MEIS1: variants seen among roughly 807,000 people sequenced by gnomAD.
MEIS1 encodes Meis homeobox 1.
Under a neutral mutation model 50.8 loss-of-function variants are expected in MEIS1, and 5 were observed. That is an observed-to-expected ratio of 0.10 (90% CI 0.05 to 0.21). The LOEUF (loss-of-function observed/expected upper bound fraction) is 0.21. Ranked by LOEUF, MEIS1 falls within the 10% of genes least tolerant of loss-of-function variation. MEIS1 has a pLI of 1.00. For missense variants in MEIS1, 318 were observed against 517.3 expected, an observed-to-expected ratio of 0.61 and a Z score of 3.74; for synonymous variants, 176 against 179.3, an observed-to-expected ratio of 0.98 and a Z score of 0.15.
chr2:66,435,974 A>C, intron 1 of MEIS1, 106 bp downstream of exon 1: 2 of 1,018,494 alleles, frequency 2.0e-6, no homozygotes, highest in Non-Finnish European at 2.8e-6. Flanking sequence ...TCTTTTAAAA[A>C]ATGAGGCTCC....
chr2:66,504,353 C>T (rs1050158255), intron 7 of MEIS1, among the ~76,000 whole-genome samples: 3 of 152,122 alleles, frequency 2.0e-5, no homozygotes, highest in East Asian at 3.9e-4. Flanking sequence ...CCTGCCTCAG[C>T]CTCCCGAGTA....
intron 7 of MEIS1, among the ~76,000 whole-genome samples, chr2:66,507,646 C>G (rs1673714789): frequency 6.6e-6 from 1 of 152,144 alleles, no homozygotes; most frequent in South Asian, 2.1e-4. Flanking sequence ...AACAGCAGTC[C>G]TGAGAGGACA....
chr2:66,535,827 C>T (rs1674504493), intron 8 of MEIS1, among the ~76,000 whole-genome samples: 1 of 151,854 alleles, frequency 6.6e-6, no homozygotes, highest in Non-Finnish European at 1.5e-5. Flanking sequence ...AGTTTGATTG[C>T]AAGATAAGAG....
At chr2:66,509,635 A>T (rs942792142) in intron 7 of MEIS1, among the ~76,000 whole-genome samples, 1 of 152,230 alleles carries the variant, frequency 6.6e-6, no homozygotes, top group Non-Finnish European at 1.5e-5. Context: ...CACTTAAAAA[A>T]TTCTGTTCCT....
At chr2:66,542,211 C>G (rs1236820024) in intron 8 of MEIS1, among the ~76,000 whole-genome samples, 1 of 151,964 alleles carries the variant, frequency 6.6e-6, no homozygotes, top group African/African-American at 2.4e-5. Context: ...CACAGTATTC[C>G]CTTAGTGACA....
At chr2:66,522,550 A>C (rs1674150407) in intron 8 of MEIS1, among the ~76,000 whole-genome samples, 1 of 152,218 alleles carries the variant, frequency 6.6e-6, no homozygotes, top group South Asian at 2.1e-4. Flanking sequence ...CTTCTTTCAC[A>C]CAACTGGTGT....
At chr2:66,458,277 A>G (rs916646369) in intron 6 of MEIS1, among the ~76,000 whole-genome samples, 1 of 152,224 alleles carries the variant, frequency 6.6e-6, no homozygotes, top group Non-Finnish European at 1.5e-5. Flanking sequence ...AATATTAGGC[A>G]TCGAATTAAA....
chr2:66,439,934 G>T lies in MEIS1; in HGVS notation c.331G>T (p.Val111Phe). ...CGAGCCGGGGGTGGCGGGCGGGGAC[G>T]TCTGCTCGTCAGAGTCATTCAATGA... ...PREPGVAGGD[V>F]CSSESFNEDI... Residue 111 changes from valine (V) to phenylalanine (F), a missense_variant, in exon 3 of 13, where the codon GTC becomes TTC. Val to Phe is a conservative substitution (Grantham distance 50). Around this residue, in one of 6 missense-constraint regions of MEIS1, gnomAD observed 75 missense variants for 153.7 expected, o/e 0.49. Coordinates refer to ENST00000272369, the MANE Select transcript of MEIS1 (RefSeq NM_002398.3). 1 of 1,613,288 alleles carries T rather than the reference G, an allele frequency of 6.2e-7. No homozygotes were observed. The highest frequency in any genetic ancestry group is 2.2e-5 in the East Asian group (1 of 44,842).
chr2:66,521,688 C>A (rs920592947), intron 8 of MEIS1, among the ~76,000 whole-genome samples: 1 of 152,104 alleles, frequency 6.6e-6, no homozygotes, highest in Admixed American at 6.5e-5. Flanking sequence ...AGAAATTGTA[C>A]CACATTGGCT....
At chr2:66,518,920 G>C (rs1476346459) in intron 8 of MEIS1, among the ~76,000 whole-genome samples, 1 of 152,188 alleles carries the variant, frequency 6.6e-6, no homozygotes, top group Non-Finnish European at 1.5e-5. Flanking sequence ...GGTTTTGCCA[G>C]TAGTAGTAAA....
chr2:66,560,831 C>A (rs575954961), intron 9 of MEIS1, among the ~76,000 whole-genome samples: 1 of 152,228 alleles, frequency 6.6e-6, no homozygotes, highest in Admixed American at 6.5e-5. Flanking sequence ...TCTCCTCCTG[C>A]CGCTGTTCTC....
intron 6 of MEIS1, among the ~76,000 whole-genome samples, chr2:66,456,337 G>A (rs1404880546): frequency 6.6e-6 from 1 of 151,910 alleles, no homozygotes; most frequent in Non-Finnish European, 1.5e-5. Context: ...ATGCTGAAGT[G>A]TACACACTTA....
chr2:66,500,535 C>T lies in MEIS1; in HGVS notation c.743-11614C>T, dbSNP rs368100742. On this transcript the variant is annotated intron_variant, in intron 7 of 12. Transcript: ENST00000272369. ...CGCCTCTCAGGTTCAAGGGATTCTC[C>T]TGCCTCAGCCTCCCGAGTAGCTGGG... Among the ~76,000 whole-genome samples, 5 of 152,288 alleles carry T rather than the reference C, an allele frequency of 3.3e-5. No homozygotes were observed. In the East Asian group the frequency reaches 9.7e-4, roughly 29 times the overall value.
At chr2:66,446,345 C>A (rs1164955574) in intron 6 of MEIS1, among the ~76,000 whole-genome samples, 5 of 152,126 alleles carry the variant, frequency 3.3e-5, no homozygotes, top group Non-Finnish European at 7.4e-5. Context: ...GCTTCTATTG[C>A]GCGCCACTCC....
chr2:66,510,380 A>G (rs1399562558), intron 7 of MEIS1, among the ~76,000 whole-genome samples: 2 of 152,194 alleles, frequency 1.3e-5, no homozygotes, highest in East Asian at 3.9e-4. Context: ...GCCAGGGTAC[A>G]TGACCTTGGC....
chr2:66,473,419 G>T (rs1300762214), intron 7 of MEIS1, among the ~76,000 whole-genome samples: 10 of 124,518 alleles, frequency 8.0e-5, no homozygotes, highest in African/African-American at 2.2e-4. Context: ...TATATATATA[G>T]TAATATAAGT....
intron 6 of MEIS1, among the ~76,000 whole-genome samples, chr2:66,446,727 G>C (rs1263707560): frequency 6.6e-6 from 1 of 152,212 alleles, no homozygotes; most frequent in Non-Finnish European, 1.5e-5. Flanking sequence ...TATGGAACCA[G>C]AGAGCCACGC....
intron 9 of MEIS1, among the ~76,000 whole-genome samples, chr2:66,563,545 T>G (rs1011332745): frequency 6.6e-5 from 10 of 152,206 alleles, no homozygotes; most frequent in African/African-American, 2.4e-4. Flanking sequence ...ACAGTTCTTT[T>G]TTTGGTTCGG....
intron 5 of MEIS1, 37 bp from the exon 6 acceptor site, chr2:66,442,865 A>G (rs747245104): frequency 5.8e-6 from 9 of 1,558,444 alleles, no homozygotes; most frequent in African/African-American, 4.2e-5. Context: ...TGCACTCCTG[A>G]TTATATTCCC....
Sources: allele counts gnomAD v4.1 joint callset (sites outside exome capture counted in the v4.1 genomes callset), GRCh38; gene constraint gnomAD v4.1.1; regional missense constraint gnomAD v4.1.1; transcripts MANE v1.5; gene names NCBI Gene and HGNC (gene_info 2026-07-23, HGNC 2026-07-21).